The following EYA2 variants were observed in gnomAD, a reference collection of about 807,000 sequenced individuals.
The protein encoded by EYA2 is EYA transcriptional coactivator and phosphatase 2, also known as protein phosphatase EYA2.
EYA2 carries 31 observed loss-of-function variants against 69.2 expected under a neutral mutation model. The observed-to-expected ratio is 0.45, with a 90% confidence interval of 0.34 to 0.60. EYA2 has a LOEUF of 0.60. Ranked by LOEUF, EYA2 falls within the 20% of genes least tolerant of loss-of-function variation. The pLI is 0.02. For synonymous variants in EYA2, 257 were observed against 279.4 expected (o/e 0.92, Z 0.80); for missense variants, 622 against 701.2 (o/e 0.89, Z 1.28).
At chr20:46,987,182 G>A (rs188523177) in intron 1 of EYA2, among the ~76,000 whole-genome samples, 16 of 152,236 alleles carry the variant, frequency 1.1e-4, no homozygotes, top group South Asian at 6.2e-4. Context: ...AAACTACTCC[G>A]CTTAACACTG....
At chr20:47,129,023 C>T (rs1387150372) in intron 9 of EYA2, among the ~76,000 whole-genome samples, 1 of 152,168 alleles carries the variant, frequency 6.6e-6, no homozygotes, top group East Asian at 1.9e-4. Context: ...ACTCAGGAGG[C>T]TGAGGCAGGA....
chr20:46,964,468 C>T (rs1303439387), intron 1 of EYA2, among the ~76,000 whole-genome samples: 2 of 152,134 alleles, frequency 1.3e-5, no homozygotes, highest in African/African-American at 4.8e-5. Flanking sequence ...AAGGGATGCA[C>T]GTGTCTGCAA....
At chr20:46,932,114 T>C (rs1985695544) in intron 1 of EYA2, among the ~76,000 whole-genome samples, 1 of 151,624 alleles carries the variant, frequency 6.6e-6, no homozygotes, top group Non-Finnish European at 1.5e-5. Flanking sequence ...TTGTTTTTCA[T>C]TTCATCCACC....
At chr20:47,083,712 G>A (rs1441941670) in intron 7 of EYA2, among the ~76,000 whole-genome samples, 3 of 152,088 alleles carry the variant, frequency 2.0e-5, no homozygotes, top group Non-Finnish European at 2.9e-5. Context: ...ATAGGAGACA[G>A]TTTTGTGACT....
intron 5 of EYA2, among the ~76,000 whole-genome samples, chr20:47,052,516 A>AT (rs2030392799): frequency 6.6e-6 from 1 of 152,244 alleles, no homozygotes; most frequent in Non-Finnish European, 1.5e-5. Context: ...TTACTAAGGA[A>AT]TGTTTGGGGC....
At chr20:47,180,794 C>T (rs921181889) in intron 13 of EYA2, 21 bp from the exon 14 acceptor site, 3 of 1,611,844 alleles carry the variant, frequency 1.9e-6, no homozygotes, top group East Asian at 2.2e-5. Flanking sequence ...AGTTCTGATC[C>T]ACAGTCTCCT....
chr20:47,090,044 C>G (rs1049501105), intron 8 of EYA2, among the ~76,000 whole-genome samples: 12 of 152,086 alleles, frequency 7.9e-5, no homozygotes, highest in African/African-American at 2.9e-4. Context: ...GAAAGGGGCT[C>G]TCAACCTGGA....
intron 10 of EYA2, among the ~76,000 whole-genome samples, chr20:47,160,405 G>T (rs2034040106): frequency 6.6e-6 from 1 of 152,176 alleles, no homozygotes; most frequent in South Asian, 2.1e-4. Context: ...ACACAAACAG[G>T]CGACAGGCCA....
intron 1 of EYA2, among the ~76,000 whole-genome samples, chr20:46,930,458 C>A (rs1204395620): frequency 6.6e-6 from 1 of 152,064 alleles, no homozygotes; most frequent in Non-Finnish European, 1.5e-5. Context: ...ACGTGAGAAT[C>A]CAAACCAGAT....
At chr20:47,126,717 A>T (rs2033200227) in intron 9 of EYA2, among the ~76,000 whole-genome samples, 1 of 152,220 alleles carries the variant, frequency 6.6e-6, no homozygotes, top group South Asian at 2.1e-4. Flanking sequence ...TATTTTAAAA[A>T]TCATTTAGAG....
intron 10 of EYA2, among the ~76,000 whole-genome samples, chr20:47,162,388 T>G: frequency 6.6e-6 from 1 of 152,190 alleles, no homozygotes; most frequent in Non-Finnish European, 1.5e-5. Flanking sequence ...CATTGAAAGC[T>G]TTTAATAAAT....
At chr20:47,072,665 A>G (rs931874964) in intron 6 of EYA2, among the ~76,000 whole-genome samples, 2 of 152,138 alleles carry the variant, frequency 1.3e-5, no homozygotes, top group Non-Finnish European at 2.9e-5. Flanking sequence ...GGCTTTATAA[A>G]TACTTGTTAA....
rs1982625565 is a variant in EYA2, at chr20:47,005,075, C to T, written c.289C>T (p.Pro97Ser). 6.2e-7 allele frequency: 1 copy of T among 1,613,640 alleles called. No individual in the cohort carries two copies. The highest frequency in any genetic ancestry group is 8.5e-7 in the Non-Finnish European group (1 of 1,179,748). Reference protein sequence around the residue: ...YPPPAQAYGIPSYSIKTEDSL... With the variant: ...YPPPAQAYGISSYSIKTEDSL... Reference sequence around the variant, plus strand: ...ACCTCCAGCACAAGCCTATGGAATCCCTTCCTACAGTGAGTAGTAAACAAG... The same window carrying T: ...ACCTCCAGCACAAGCCTATGGAATCTCTTCCTACAGTGAGTAGTAAACAAG... The change falls in exon 4 of 16, where the codon CCT becomes TCT. Residue 97 changes from proline to serine, a missense_variant. Transcript: ENST00000327619.
At position 47,188,617 on chromosome 20, in the gene EYA2, T is replaced by G; in HGVS notation, c.*484T>G. On this transcript the variant is annotated 3_prime_UTR_variant, in exon 16 of 16. Coordinates refer to ENST00000327619, the MANE Select transcript of EYA2 (RefSeq NM_005244.5). ...TAATGTAAGCACTCTATTCTCCAAG[T>G]TGTGCTTTGTGGGGACAATCATTCT... 2.7e-6 allele frequency: 1 copy of G among 373,636 alleles called. No homozygotes were observed. Among genetic ancestry groups the G allele is most frequent in the Non-Finnish European group, 4.8e-6 (1 of 208,464 alleles). The allele number at this position is 373,636 out of a possible 1,614,324, so 23.1% of individuals were successfully genotyped here.
At chr20:46,999,061 A>T (rs977765654) in intron 2 of EYA2, among the ~76,000 whole-genome samples, 4 of 152,144 alleles carry the variant, frequency 2.6e-5, no homozygotes, top group Non-Finnish European at 4.4e-5. Context: ...TGAGGCAAAC[A>T]TGCAAATCAT....
At chr20:46,988,190 A>C (rs1981419124) in intron 1 of EYA2, among the ~76,000 whole-genome samples, 1 of 106,182 alleles carries the variant, frequency 9.4e-6, no homozygotes. Flanking sequence ...GCACTTGCCA[A>C]TTTTGGTGTC....
intron 9 of EYA2, among the ~76,000 whole-genome samples, chr20:47,133,310 A>T (rs752944077): frequency 6.6e-6 from 1 of 152,190 alleles, no homozygotes; most frequent in African/African-American, 2.4e-5. Context: ...GCCAATGCCC[A>T]TTGGCTCATA....
At chr20:47,112,647 CA>C (rs974234820) in intron 9 of EYA2, among the ~76,000 whole-genome samples, 6 of 147,792 alleles carry the variant, frequency 4.1e-5, no homozygotes, top group African/African-American at 9.9e-5. Context: ...AAAACTAGGC[CA>C]AAAAAAAAGC....
intron 5 of EYA2, among the ~76,000 whole-genome samples, chr20:47,034,365 A>C (rs1984580802): frequency 6.6e-6 from 1 of 152,244 alleles, no homozygotes; most frequent in Admixed American, 6.5e-5. Flanking sequence ...TTAAGCTGAT[A>C]TAAGGGAAAT....
Sources: allele counts gnomAD v4.1 joint callset (sites outside exome capture counted in the v4.1 genomes callset), GRCh38; gene constraint gnomAD v4.1.1; transcripts MANE v1.5; gene names NCBI Gene and HGNC (gene_info 2026-07-23, HGNC 2026-07-21).